Variants in SIL1 observed in about 807,000 individuals in gnomAD.
The protein encoded by SIL1 is nucleotide exchange factor SIL1.
In SIL1, 40 loss-of-function variants were observed where a neutral mutation model predicts 49.1. That is an observed-to-expected ratio of 0.81 (90% CI 0.63 to 1.06). The LOEUF is 1.06. SIL1 is among the 50% of genes least tolerant of loss of function. The pLI is 0.00. For missense variants in SIL1, 500 were observed against 572.6 expected, an observed-to-expected ratio of 0.87 and a Z score of 1.29; for synonymous variants, 253 against 250.8, an observed-to-expected ratio of 1.01 and a Z score of -0.08.
chr5:139,035,495 G>A (rs1581047279), intron 5 of SIL1: 3 of 536,834 alleles, frequency 5.6e-6, no homozygotes, highest in Non-Finnish European at 7.3e-6. Context: ...TCCAGTCACC[G>A]GCTGCCTTGG....
chr5:139,039,059 A>T (rs1380353324), intron 5 of SIL1, among the ~76,000 whole-genome samples: 1 of 152,202 alleles, frequency 6.6e-6, no homozygotes, highest in Non-Finnish European at 1.5e-5. Flanking sequence ...CAGGGTGCAC[A>T]CTTGGTCTGT....
intron 7 of SIL1, among the ~76,000 whole-genome samples, chr5:138,992,255 C>G (rs1206154218): frequency 6.6e-6 from 1 of 152,194 alleles, no homozygotes; most frequent in Non-Finnish European, 1.5e-5. Flanking sequence ...GACTAGGAAC[C>G]CCACTCAAGA....
At chr5:139,160,378 G>A (rs1345491830) in intron 1 of SIL1, among the ~76,000 whole-genome samples, 1 of 152,140 alleles carries the variant, frequency 6.6e-6, no homozygotes, top group South Asian at 2.1e-4. Context: ...GCACTGAAAA[G>A]GGGCAGTAAA....
At chr5:139,103,165 C>T (rs946140612) in intron 3 of SIL1, among the ~76,000 whole-genome samples, 1 of 152,184 alleles carries the variant, frequency 6.6e-6, no homozygotes, top group Non-Finnish European at 1.5e-5. Flanking sequence ...GATACCACTA[C>T]CGCAATGACA....
At chr5:139,140,364 T>C (rs1467702711) in intron 1 of SIL1, among the ~76,000 whole-genome samples, 1 of 151,280 alleles carries the variant, frequency 6.6e-6, no homozygotes, top group South Asian at 2.1e-4. Context: ...CCCAAGAAAA[T>C]AGCATTTACT....
At chr5:139,105,705 T>A in intron 3 of SIL1, among the ~76,000 whole-genome samples, 1 of 152,206 alleles carries the variant, frequency 6.6e-6, no homozygotes, top group East Asian at 1.9e-4. Context: ...CACTGGCAGA[T>A]GGCTGCCCCG....
At chr5:139,134,079 A>G (rs1750923352) in intron 1 of SIL1, among the ~76,000 whole-genome samples, 1 of 152,220 alleles carries the variant, frequency 6.6e-6, no homozygotes, top group Non-Finnish European at 1.5e-5. Context: ...TACTGGGTAC[A>G]GCACCTAGCA....
At chr5:139,099,398 C>T (rs1292918044) in intron 3 of SIL1, among the ~76,000 whole-genome samples, 6 of 152,130 alleles carry the variant, frequency 3.9e-5, no homozygotes, top group Non-Finnish European at 7.4e-5. Context: ...AATAGAGCTA[C>T]CATATGATCC....
intron 1 of SIL1, among the ~76,000 whole-genome samples, chr5:139,146,816 C>T (rs537838722): frequency 1.3e-5 from 2 of 152,152 alleles, no homozygotes; most frequent in South Asian, 4.2e-4. Context: ...TGAAACCACC[C>T]GTGAATTCTT....
chr5:139,008,084 C>T (rs1768163865), intron 7 of SIL1, among the ~76,000 whole-genome samples: 1 of 151,960 alleles, frequency 6.6e-6, no homozygotes, highest in Non-Finnish European at 1.5e-5. Context: ...GTGAATCCAT[C>T]TGGTCCTGGA....
At chr5:139,019,621 GC>G (rs1175075401) in intron 7 of SIL1, among the ~76,000 whole-genome samples, 1 of 152,132 alleles carries the variant, frequency 6.6e-6, no homozygotes, top group Non-Finnish European at 1.5e-5. Context: ...CATTGGCACA[GC>G]CCCTGGGTGA....
chr5:139,097,995 A>G (rs1171601246), intron 3 of SIL1, among the ~76,000 whole-genome samples: 3 of 152,210 alleles, frequency 2.0e-5, no homozygotes, highest in Non-Finnish European at 4.4e-5. Flanking sequence ...GGAAGAATCA[A>G]TGTTGTTAAA....
At chr5:138,976,697 A>G (rs1264025399) in intron 7 of SIL1, among the ~76,000 whole-genome samples, 2 of 152,174 alleles carry the variant, frequency 1.3e-5, no homozygotes, top group East Asian at 3.9e-4. Flanking sequence ...GAGTAAATAA[A>G]CCACCATTAG....
chr5:139,140,728 A>G (rs529732551), intron 1 of SIL1, among the ~76,000 whole-genome samples: 168 of 152,284 alleles, frequency 1.1e-3, no homozygotes, highest in African/African-American at 3.8e-3. Flanking sequence ...CCAAGAAACA[A>G]AGAAACCTAA....
At chr5:138,970,519 G>A (rs1206335050) in intron 7 of SIL1, among the ~76,000 whole-genome samples, 1 of 152,130 alleles carries the variant, frequency 6.6e-6, no homozygotes, top group Non-Finnish European at 1.5e-5. Context: ...AGAGTGTACT[G>A]GGTCCCATTA....
At chr5:138,985,867 T>C (rs1413983024) in intron 7 of SIL1, among the ~76,000 whole-genome samples, 2 of 152,192 alleles carry the variant, frequency 1.3e-5, no homozygotes, top group Admixed American at 1.3e-4. Flanking sequence ...CCTCAGCGAC[T>C]GGCCAGTGAA....
At chr5:139,148,756 A>G (rs1230764778) in intron 1 of SIL1, among the ~76,000 whole-genome samples, 3 of 152,194 alleles carry the variant, frequency 2.0e-5, no homozygotes, top group Non-Finnish European at 4.4e-5. Context: ...AGTTCTTTCT[A>G]GTTTCCTTAC....
chr5:139,146,458 T>G (rs1337438085), intron 1 of SIL1, among the ~76,000 whole-genome samples: 1 of 152,078 alleles, frequency 6.6e-6, no homozygotes, highest in East Asian at 1.9e-4. Flanking sequence ...TTCAGGAGGC[T>G]GAGGTGGGAG....
At chr5:139,172,468 C>A (rs1047534338) in intron 1 of SIL1, among the ~76,000 whole-genome samples, 14 of 152,044 alleles carry the variant, frequency 9.2e-5, no homozygotes, top group Non-Finnish European at 1.9e-4. Flanking sequence ...CCTGTCTCTA[C>A]TAAAAATACA....
Sources: gnomAD v4.1 joint callset for allele counts (sites outside exome capture counted in the v4.1 genomes callset) on GRCh38, gnomAD v4.1.1 for gene constraint, MANE v1.5 for transcripts, NCBI Gene and HGNC (gene_info 2026-07-23, HGNC 2026-07-21) for gene names.